The following GALNT13 variants were observed in gnomAD, a reference collection of about 807,000 sequenced individuals.
The protein encoded by GALNT13 is UDP-GalNAc:polypeptide N-acetylgalactosaminyltransferase 13.
A neutral mutation model predicts 64.2 loss-of-function variants in GALNT13; 28 were observed. The observed-to-expected ratio is 0.44, with a 90% CI of 0.32 to 0.60. GALNT13 has a LOEUF of 0.60. Ranked by LOEUF, GALNT13 falls within the 20% of genes least tolerant of loss-of-function variation. The pLI is 0.05. For missense variants in GALNT13, 577 were observed against 669.8 expected, an observed-to-expected ratio of 0.86 and a Z score of 1.53; for synonymous variants, 214 against 224.6, an observed-to-expected ratio of 0.95 and a Z score of 0.42.
the GALNT13 span, among the ~76,000 whole-genome samples, chr2:153,727,404 C>G: frequency 6.6e-6 from 1 of 151,978 alleles, no homozygotes; most frequent in African/African-American, 2.4e-5. Context: ...GCATTTGGTA[C>G]TTTTTTTTAT....
chr2:154,118,521 A>G (rs1474459917), intron 3 of GALNT13, among the ~76,000 whole-genome samples: 1 of 151,434 alleles, frequency 6.6e-6, no homozygotes, highest in Non-Finnish European at 1.5e-5. Context: ...ATTCCAGGTA[A>G]TTACTGACGA....
chr2:154,313,557 C>T (rs927530692), intron 9 of GALNT13, among the ~76,000 whole-genome samples: 2 of 151,736 alleles, frequency 1.3e-5, no homozygotes, highest in South Asian at 2.1e-4. Context: ...CGGGTTCAAG[C>T]GATTCTCCTG....
chr2:153,592,115 G>A, the GALNT13 span, among the ~76,000 whole-genome samples: 1 of 151,920 alleles, frequency 6.6e-6, no homozygotes, highest in African/African-American at 2.4e-5. Flanking sequence ...CTAGAGTAAA[G>A]CAAATTAAAA....
the GALNT13 span, among the ~76,000 whole-genome samples, chr2:153,360,428 G>A: frequency 6.6e-6 from 1 of 152,182 alleles, no homozygotes; most frequent in African/African-American, 2.4e-5. Context: ...GGGAGGGGCG[G>A]CAGCCAACAC....
intron 3 of GALNT13, among the ~76,000 whole-genome samples, chr2:154,124,102 G>T (rs1682116846): frequency 6.6e-6 from 1 of 151,850 alleles, no homozygotes; most frequent in Admixed American, 6.6e-5. Flanking sequence ...GACAGATCTG[G>T]GTTTTATATT....
intron 3 of GALNT13, among the ~76,000 whole-genome samples, chr2:153,959,548 G>A (rs1032743847): frequency 6.6e-6 from 1 of 152,208 alleles, no homozygotes; most frequent in Admixed American, 6.5e-5. Context: ...TGACAAGGAC[G>A]TGTTTCAAGG....
chr2:153,843,734 G>T, the GALNT13 span, among the ~76,000 whole-genome samples: 2 of 152,214 alleles, frequency 1.3e-5, no homozygotes, highest in Non-Finnish European at 2.9e-5. Context: ...AAGACACAAT[G>T]TGGTATAGGC....
intron 8 of GALNT13, among the ~76,000 whole-genome samples, chr2:154,292,701 A>G (rs180884895): frequency 2.2e-4 from 33 of 152,326 alleles, no homozygotes; most frequent in Middle Eastern, 3.4e-3. Flanking sequence ...CAATAAGACT[A>G]TATTAAAGGA....
intron 9 of GALNT13, among the ~76,000 whole-genome samples, chr2:154,361,179 C>A (rs1315293370): frequency 1.3e-5 from 2 of 151,982 alleles, no homozygotes; most frequent in Non-Finnish European, 2.9e-5. Context: ...TTTTATTGAG[C>A]AGAATGTGAT....
At chr2:153,895,975 T>C (rs552133175) in intron 1 of GALNT13, among the ~76,000 whole-genome samples, 22 of 149,940 alleles carry the variant, frequency 1.5e-4, no homozygotes, top group Non-Finnish European at 3.0e-4. Context: ...CACAATTAAG[T>C]AAAAAGAGAA....
At chr2:153,531,489 T>A in the GALNT13 span, among the ~76,000 whole-genome samples, 1 of 152,182 alleles carries the variant, frequency 6.6e-6, no homozygotes, top group Non-Finnish European at 1.5e-5. Context: ...CCTCCAGCAC[T>A]GAGGATTACA....
At chr2:154,394,985 A>T (rs1698990191) in intron 9 of GALNT13, among the ~76,000 whole-genome samples, 1 of 152,214 alleles carries the variant, frequency 6.6e-6, no homozygotes, top group Non-Finnish European at 1.5e-5. Flanking sequence ...TAATGGCATT[A>T]GTTAAAGACA....
the GALNT13 span, among the ~76,000 whole-genome samples, chr2:153,445,770 T>C: frequency 1.3e-3 from 194 of 152,308 alleles, no homozygotes; most frequent in African/African-American, 4.6e-3. Context: ...TTTCTCCTTA[T>C]ATATTTCTTA....
At chr2:154,349,504 C>T (rs1278420877) in intron 9 of GALNT13, among the ~76,000 whole-genome samples, 1 of 152,156 alleles carries the variant, frequency 6.6e-6, no homozygotes, top group African/African-American at 2.4e-5. Flanking sequence ...TGTTCTATTG[C>T]ATAAAATCAA....
the GALNT13 span, among the ~76,000 whole-genome samples, chr2:153,624,792 CT>C: frequency 0.45 from 54,983 of 121,118 alleles, 10,009 homozygotes; most frequent in Middle Eastern, 0.59. Context: ...GGAAGAGAGA[CT>C]TTTTTTTTTT....
the GALNT13 span, among the ~76,000 whole-genome samples, chr2:153,386,038 A>G: frequency 1.3e-5 from 2 of 151,948 alleles, no homozygotes; most frequent in Non-Finnish European, 2.9e-5. Context: ...AATCAATGTC[A>G]AAATAACTGT....
chr2:154,433,034 T>C (rs900193616), intron 11 of GALNT13, among the ~76,000 whole-genome samples: 1 of 152,210 alleles, frequency 6.6e-6, no homozygotes, highest in African/African-American at 2.4e-5. Flanking sequence ...TTGCAACCCA[T>C]GCAATCACAC....
At chr2:153,364,926 G>T in the GALNT13 span, among the ~76,000 whole-genome samples, 1 of 151,970 alleles carries the variant, frequency 6.6e-6, no homozygotes, top group African/African-American at 2.4e-5. Context: ...AAGAGCCCAT[G>T]GAGCCAAGAC....
upstream of GALNT13, among the ~76,000 whole-genome samples, chr2:153,870,068 C>T (rs1308592616): frequency 1.3e-5 from 2 of 151,798 alleles, no homozygotes; most frequent in Non-Finnish European, 1.5e-5. Context: ...TGAAGCCATC[C>T]TAGATCTCTA....
Sources: gnomAD v4.1 joint callset for allele counts (sites outside exome capture counted in the v4.1 genomes callset) on GRCh38, gnomAD v4.1.1 for gene constraint, MANE v1.5 for transcripts, NCBI Gene and HGNC (gene_info 2026-07-23, HGNC 2026-07-21) for gene names.